The following ANAPC7 variants were observed in gnomAD, a reference collection of about 807,000 sequenced individuals.
ANAPC7 encodes anaphase-promoting complex subunit 7.
ANAPC7 carries 25 observed loss-of-function variants against 63.3 expected under a neutral mutation model. That is an observed-to-expected ratio of 0.39 (90% CI 0.29 to 0.55). The LOEUF (loss-of-function observed/expected upper bound fraction) is 0.55. Among genes scored for constraint, ANAPC7 ranks in the 20% least tolerant of loss-of-function variants. The probability of loss-of-function intolerance (pLI) is 0.57; values close to 1 mark genes in which losing one functional copy is unlikely to be tolerated. For missense variants in ANAPC7, 516 were observed against 691.7 expected, an observed-to-expected ratio of 0.75 and a Z score of 2.85; for synonymous variants, 241 against 251.7, an observed-to-expected ratio of 0.96 and a Z score of 0.40.
intron 10 of ANAPC7, 58 bp downstream of exon 10, chr12:110,376,008 G>A: frequency 6.6e-7 from 1 of 1,525,484 alleles, no homozygotes; most frequent in Non-Finnish European, 8.9e-7. Context: ...CTGTGACACA[G>A]CTCACTGCCT....
rs1353775467 is a variant in ANAPC7 at position 110,383,888 on chromosome 12, A to AG, written c.818-929_818-928insC. ...GAGACTCCGTCTCAAAAAAAAAAAA[A>AG]AAAAAAAAAAGAAAAAAAAAAGAAA... On this transcript the variant is annotated intron_variant, in intron 6 of 10. Transcript: ENST00000455511. Among the ~76,000 whole-genome samples, 16 of 132,038 alleles carry AG rather than the reference A, an allele frequency of 1.2e-4. No homozygotes were observed. The East Asian group carries it at 2.5e-3, about 21-fold the overall frequency. The allele number at this position is 132,038 out of a possible 152,430, so 86.6% of individuals were successfully genotyped here.
Position 110,382,843 on chromosome 12 carries a change from C to G in ANAPC7, c.935G>C (p.Gly312Ala). The G allele has an allele frequency of 6.2e-7, 1 of 1,610,546 alleles. No individual in the cohort carries two copies. Among genetic ancestry groups the G allele is most frequent in the Non-Finnish European group, 8.5e-7 (1 of 1,177,736 alleles). ...DQHAEPWVVS[G>A]CHSFYSKRYS... The stretch of plus-strand genomic sequence containing the variant: ...GAGAAAAGAGAATGCATAATCATAC[C>G]CAGAAACCACCCACGGTTCTGCATG... Residue 312 changes from glycine to alanine, a missense_variant and splice_region_variant, in exon 7 of 11, where the codon GGC (glycine) becomes GCC (alanine). This residue lies in a region of ANAPC7 where 199 missense variants were observed against 249.3 expected (regional missense o/e 0.80). Transcript: ENST00000455511.
chr12:110,374,515 CA>C (rs957030013), intron 10 of ANAPC7, among the ~76,000 whole-genome samples, 182 bp from the exon 11 acceptor site: 1 of 151,834 alleles, frequency 6.6e-6, no homozygotes, highest in Non-Finnish European at 1.5e-5. Context: ...ACCAGAAGTG[CA>C]AAAAGGAGTC....
chr12:110,387,716 T>C, intron 5 of ANAPC7, 23 bp downstream of exon 5: 1 of 1,589,002 alleles, frequency 6.3e-7, no homozygotes. Flanking sequence ...TCAAGAACAC[T>C]GAATTAACTT....
intron 1 of ANAPC7, 41 bp downstream of exon 1, chr12:110,403,486 G>T: frequency 1.3e-6 from 2 of 1,544,902 alleles, no homozygotes; most frequent in South Asian, 2.4e-5. Context: ...GACCGCCGCC[G>T]CTTTCTCCTC....
intron 1 of ANAPC7, among the ~76,000 whole-genome samples, chr12:110,396,931 C>A (rs1461414694): frequency 6.6e-6 from 1 of 151,182 alleles, no homozygotes; most frequent in African/African-American, 2.4e-5. Flanking sequence ...AGGCTGGGTG[C>A]GGTGGCTTAC....
intron 1 of ANAPC7, among the ~76,000 whole-genome samples, chr12:110,399,894 G>A (rs918747671): frequency 2.0e-5 from 3 of 151,790 alleles, no homozygotes; most frequent in African/African-American, 4.8e-5. Flanking sequence ...TCAGGAGTTC[G>A]ACCAGCCTGG....
At chr12:110,389,091 AAAAAAAAAAAAG>A (rs1428473016) in intron 3 of ANAPC7, among the ~76,000 whole-genome samples, 33 of 148,856 alleles carry the variant, frequency 2.2e-4, no homozygotes, top group Middle Eastern at 3.4e-3. Flanking sequence ...TAAAAAAAAA[AAAAAAAAAAAAG>A]AAAAGAAAAG....
chr12:110,395,127 T>A lies in ANAPC7; in HGVS notation c.382A>T (p.Ile128Phe), dbSNP rs1277003223. The stretch of plus-strand genomic sequence containing the variant: ...TTGGGAGTTCTTTGTCTTGAAGGGA[T>A]CCCATCAAGTATAGCAATGGCATCT... Reference protein sequence around the residue: ...DKDAIAILDGIPSRQRTPKIN... With the variant: ...DKDAIAILDGFPSRQRTPKIN... Residue 128 changes from isoleucine to phenylalanine, a missense_variant, in exon 3 of 11, where the codon ATC becomes TTC. This residue lies in a region of ANAPC7 where 185 missense variants were observed against 200.3 expected (regional missense o/e 0.92). Transcript: ENST00000455511. 6.2e-7 allele frequency: 1 copy of A among 1,613,858 alleles called. No individual in the cohort carries two copies. The highest frequency in any genetic ancestry group is 8.5e-7 in the Non-Finnish European group (1 of 1,179,922).
At chr12:110,392,113 A>AAAAAAAAAAAAAAAAAAAAAAAT (rs1883152946) in intron 3 of ANAPC7, among the ~76,000 whole-genome samples, 1 of 151,234 alleles carries the variant, frequency 6.6e-6, no homozygotes, top group African/African-American at 2.4e-5. Context: ...AAAAAAAAAA[A>AAAAAAAAAAAAAAAAAAAAAAAT]AAAGGCTTCT....
intron 3 of ANAPC7, among the ~76,000 whole-genome samples, chr12:110,389,101 A>AC (rs1882876713): frequency 1.4e-5 from 2 of 144,446 alleles, no homozygotes; most frequent in Admixed American, 1.4e-4. Context: ...AAAAAAAAAA[A>AC]AGAAAAGAAA....
At chr12:110,394,669 CAAAAAAAAAAAAAA>C (rs779142936) in intron 3 of ANAPC7, among the ~76,000 whole-genome samples, 2 of 42,776 alleles carry the variant, frequency 4.7e-5, no homozygotes, top group Non-Finnish European at 3.9e-5. Context: ...AATTCCACCT[CAAAAAAAAAAAAAA>C]AAAAAAAAAA....
At chr12:110,376,314 G>A (rs989872694) in intron 9 of ANAPC7, 98 bp from the exon 10 acceptor site, 3 of 1,408,972 alleles carry the variant, frequency 2.1e-6, no homozygotes, top group Non-Finnish European at 2.9e-6. Context: ...GAGAACACTG[G>A]TGCAACACAA....
At chr12:110,388,397 C>T in intron 4 of ANAPC7, 115 bp downstream of exon 4, 1 of 728,036 alleles carries the variant, frequency 1.4e-6, no homozygotes, top group South Asian at 2.0e-5. Context: ...TACTAAATCA[C>T]TCTCTTCAGG....
At chr12:110,392,911 T>G (rs939029744) in intron 3 of ANAPC7, among the ~76,000 whole-genome samples, 1 of 152,330 alleles carries the variant, frequency 6.6e-6, no homozygotes, top group Non-Finnish European at 1.5e-5. Context: ...TTCTCCTGCC[T>G]CAGCCTCCAG....
At chr12:110,375,442 C>T (rs1202756748) in intron 10 of ANAPC7, 3 of 985,312 alleles carry the variant, frequency 3.0e-6, no homozygotes, top group Non-Finnish European at 3.6e-6. Context: ...CTTACAGACA[C>T]ACAGACAACC....
intron 5 of ANAPC7, chr12:110,387,289 G>GAGAGAGAGAGAGAC (rs1882603938): frequency 1.7e-5 from 2 of 120,334 alleles, no homozygotes; most frequent in African/African-American, 6.7e-5. Context: ...GAGAGAGACA[G>GAGAGAGAGAGAGAC]AGAGAGAGAG....
chr12:110,397,265 TAAAG>T (rs975798311), intron 1 of ANAPC7, among the ~76,000 whole-genome samples: 1 of 141,304 alleles, frequency 7.1e-6, no homozygotes, highest in African/African-American at 2.6e-5. Context: ...CTTCAAATAC[TAAAG>T]AAAGGCCAGG....
intron 1 of ANAPC7, among the ~76,000 whole-genome samples, chr12:110,401,618 C>G (rs563858738): frequency 1.3e-5 from 2 of 152,132 alleles, no homozygotes; most frequent in South Asian, 4.2e-4. Flanking sequence ...AGGCCAGAAG[C>G]GATGGTTCAC....
Sources: gnomAD v4.1 joint callset for allele counts (sites outside exome capture counted in the v4.1 genomes callset) on GRCh38, gnomAD v4.1.1 for gene constraint, gnomAD v4.1.1 regional missense constraint, MANE v1.5 for transcripts, NCBI Gene and HGNC (gene_info 2026-07-23, HGNC 2026-07-21) for gene names.